The following ADAMTS2 variants were observed in gnomAD, a reference collection of about 807,000 sequenced individuals.
The protein encoded by ADAMTS2 is A disintegrin and metalloproteinase with thrombospondin motifs 2.
ADAMTS2 carries 50 observed loss-of-function variants against 123.0 expected under a neutral mutation model. The observed-to-expected ratio is 0.41, with a 90% CI of 0.32 to 0.51. The LOEUF (loss-of-function observed/expected upper bound fraction) is 0.51, where lower values mean the gene tolerates loss of function less well. Among genes scored for constraint, ADAMTS2 ranks in the 20% least tolerant of loss-of-function variants. The probability of loss-of-function intolerance (pLI) is 0.35; values close to 1 mark genes in which losing one functional copy is unlikely to be tolerated. For missense variants in ADAMTS2, 1,494 were observed against 1,705.2 expected, an observed-to-expected ratio of 0.88 and a Z score of 2.18; for synonymous variants, 678 against 695.4, an observed-to-expected ratio of 0.98 and a Z score of 0.39.
chr5:179,316,000 C>T (rs181742102), intron 2 of ADAMTS2, among the ~76,000 whole-genome samples: 6 of 152,282 alleles, frequency 3.9e-5, no homozygotes, highest in Admixed American at 2.0e-4. Flanking sequence ...TCCTAGAGGC[C>T]TTATCAATAC....
intron 3 of ADAMTS2, among the ~76,000 whole-genome samples, chr5:179,222,607 A>G (rs6881760): frequency 0.056 from 8,592 of 152,304 alleles, 318 homozygotes; most frequent in Non-Finnish European, 0.082. Context: ...TCTACTTTAA[A>G]AGGCTGGGGT....
intron 3 of ADAMTS2, among the ~76,000 whole-genome samples, chr5:179,269,447 G>A (rs1766467914): frequency 6.6e-6 from 1 of 152,114 alleles, no homozygotes; most frequent in African/African-American, 2.4e-5. Context: ...GTCTCACATG[G>A]CAGCAGCCGA....
chr5:179,155,769 C>T lies in ADAMTS2; in HGVS notation c.1133-850G>A, dbSNP rs1763457053. On this transcript the variant is annotated intron_variant, in intron 6 of 21. Transcript: ENST00000251582. The surrounding 1 kb of genome is among the most constrained non-coding windows in gnomAD (Gnocchi z 5.1). ...GTGCCACACGAGGTCTCTGCTTGTA[C>T]CCCTGGGAGTCTTCCTAGAGGCCTG... is the stretch of plus-strand genomic sequence containing the variant. 6.6e-6 allele frequency among the ~76,000 whole-genome samples: 1 copy of T among 152,078 alleles called. No homozygotes were observed. The highest frequency in any genetic ancestry group is 1.5e-5 in the Non-Finnish European group (1 of 68,022).
chr5:179,268,545 T>C (rs888032223), intron 3 of ADAMTS2, among the ~76,000 whole-genome samples: 31 of 152,222 alleles, frequency 2.0e-4, no homozygotes, highest in Non-Finnish European at 4.3e-4. Context: ...GGTCAGTCTC[T>C]GGGAAGCTAA....
chr5:179,330,390 G>GC (rs1205125899), intron 2 of ADAMTS2, among the ~76,000 whole-genome samples: 5 of 152,098 alleles, frequency 3.3e-5, no homozygotes, highest in Admixed American at 1.3e-4. Context: ...GCCATCCCTG[G>GC]CCCCAAAGGC....
chr5:179,284,596 AG>A lies in ADAMTS2; in HGVS notation c.535-11533del, dbSNP rs553930028. On this transcript the variant is annotated intron_variant, in intron 2 of 21. Transcript: ENST00000251582. ...GAGACGGGGTTTCGCCATGTTGGCC[AG>A]GCTGGTCTCGAACTCCTGACCTCAG... Among the ~76,000 whole-genome samples, 8 of 152,250 alleles carry A rather than the reference AG, an allele frequency of 5.3e-5. No individual in the cohort carries two copies. In the South Asian group the frequency reaches 1.7e-3, roughly 32 times the overall value.
At chr5:179,147,879 G>A (rs1438882842) in intron 10 of ADAMTS2, among the ~76,000 whole-genome samples, 1 of 152,190 alleles carries the variant, frequency 6.6e-6, no homozygotes, top group Non-Finnish European at 1.5e-5. Context: ...GAGAAGTGCT[G>A]TTAATCAAGT....
At chr5:179,267,586 C>T (rs1290959721) in intron 3 of ADAMTS2, among the ~76,000 whole-genome samples, 3 of 152,216 alleles carry the variant, frequency 2.0e-5, no homozygotes, top group Admixed American at 1.3e-4. Context: ...AAGGCCAGGC[C>T]GGGGCGAGCC....
In ADAMTS2 at chr5:179,189,787, G is replaced by A. The variant is rs1415150746; in HGVS notation, c.892-8632C>T. ...AAGTATCTTCTTAAGGATGGGGGTGGGGAAGAATATTACTAAGTATCTTCT... is the reference window on the plus strand; with the variant it reads ...AAGTATCTTCTTAAGGATGGGGGTGAGGAAGAATATTACTAAGTATCTTCT... On this transcript the variant is annotated intron_variant, in intron 4 of 21. Transcript: ENST00000251582. This position sits in a 1 kb window ranked among gnomAD's most constrained non-coding sequence, Gnocchi z 4.2. 1.3e-5 allele frequency among the ~76,000 whole-genome samples: 2 copies of A among 150,246 alleles called. No homozygotes were observed. Among genetic ancestry groups the A allele is most frequent in the African/African-American group, 4.9e-5 (2 of 40,708 alleles).
In ADAMTS2 at chr5:179,202,970, G is replaced by A. The variant is rs1764602588; in HGVS notation, c.891+4543C>T. On this transcript the variant is annotated intron_variant, in intron 4 of 21. Transcript: ENST00000251582. The surrounding 1 kb of genome is among the most constrained non-coding windows in gnomAD (Gnocchi z 4.0). ...GGAGACTGGGGAGGGGAGCACAGGG[G>A]TGATCGATGAGGCTGAACTGCCTGT... 6.6e-6 allele frequency among the ~76,000 whole-genome samples: 1 copy of A among 152,216 alleles called. No homozygotes were observed. Among genetic ancestry groups the A allele is most frequent in the Non-Finnish European group, 1.5e-5 (1 of 68,024 alleles).
At chr5:179,221,244 T>G (rs954541456) in intron 3 of ADAMTS2, among the ~76,000 whole-genome samples, 5 of 152,102 alleles carry the variant, frequency 3.3e-5, no homozygotes, top group Non-Finnish European at 5.9e-5. Context: ...CTTACGCAAA[T>G]GAGGGAACAA....
chr5:179,166,393 G>C (rs1763697885), intron 5 of ADAMTS2, among the ~76,000 whole-genome samples: 1 of 152,220 alleles, frequency 6.6e-6, no homozygotes, highest in Admixed American at 6.5e-5. Flanking sequence ...GAGGGCCTTA[G>C]GGAGGCAAGA....
At chr5:179,320,474 ATT>A (rs10565392) in intron 2 of ADAMTS2, among the ~76,000 whole-genome samples, 6,103 of 142,378 alleles carry the variant, frequency 0.043, 159 homozygotes, top group South Asian at 0.077. Context: ...CGCCTGGCTA[ATT>A]TTTTTTTTTT....
chr5:179,252,009 CTTT>C (rs200457965), intron 3 of ADAMTS2, among the ~76,000 whole-genome samples: 18 of 135,720 alleles, frequency 1.3e-4, no homozygotes, highest in Non-Finnish European at 1.3e-4. Flanking sequence ...TTTTTCTTTT[CTTT>C]TTTTTTTTTT....
chr5:179,188,350 G>A lies in ADAMTS2; in HGVS notation c.892-7195C>T, dbSNP rs1764221581. Reference sequence around the variant, plus strand: ...AGGCTGTTCTCTCTGTGCCCCTTCGGAGGCCAGGCTTGGACCACCAGGATG... The same window carrying A: ...AGGCTGTTCTCTCTGTGCCCCTTCGAAGGCCAGGCTTGGACCACCAGGATG... On this transcript the variant is annotated intron_variant, in intron 4 of 21. Transcript: ENST00000251582. The surrounding 1 kb of genome is among the most constrained non-coding windows in gnomAD (Gnocchi z 5.1). Among the ~76,000 whole-genome samples, 1 of 152,156 alleles carries A rather than the reference G, an allele frequency of 6.6e-6. No homozygotes were observed. Among genetic ancestry groups the A allele is most frequent in the African/African-American group, 2.4e-5 (1 of 41,448 alleles).
intron 10 of ADAMTS2, among the ~76,000 whole-genome samples, chr5:179,143,950 C>T (rs1399197644): frequency 6.6e-6 from 1 of 152,088 alleles, no homozygotes; most frequent in Non-Finnish European, 1.5e-5. Context: ...TTTATCAAAA[C>T]ATTCTGGAAC....
intron 21 of ADAMTS2, chr5:179,120,141 G>C (rs1762726824): frequency 6.6e-6 from 1 of 152,138 alleles, no homozygotes; most frequent in Non-Finnish European, 1.5e-5. Flanking sequence ...CCCAAAAAGA[G>C]AAGGAGCCAT....
intron 3 of ADAMTS2, among the ~76,000 whole-genome samples, chr5:179,251,755 C>G (rs1198360245): frequency 1.3e-5 from 2 of 152,120 alleles, no homozygotes; most frequent in Non-Finnish European, 2.9e-5. Context: ...CGAGGAGAAG[C>G]TGGCCACAGA....
intron 2 of ADAMTS2, among the ~76,000 whole-genome samples, chr5:179,329,681 G>C (rs187558260): frequency 6.6e-6 from 1 of 152,134 alleles, no homozygotes; most frequent in Admixed American, 6.6e-5. Flanking sequence ...AGAGCTGACC[G>C]AAGAAACAAA....
Sources: gnomAD v4.1 joint callset for allele counts (sites outside exome capture counted in the v4.1 genomes callset) on GRCh38, gnomAD v4.1.1 for gene constraint, Gnocchi (gnomAD v3.1) non-coding constraint, MANE v1.5 for transcripts, NCBI Gene and HGNC (gene_info 2026-07-23, HGNC 2026-07-21) for gene names.